The following FGD5 variants were observed in gnomAD, a reference collection of about 807,000 sequenced individuals.
The protein encoded by FGD5 is FYVE, RhoGEF and PH domain-containing protein 5.
Under a neutral mutation model 133.4 loss-of-function variants are expected in FGD5, and 28 were observed. The observed-to-expected ratio is 0.21, with a 90% CI of 0.16 to 0.29. The LOEUF (loss-of-function observed/expected upper bound fraction) is 0.29. FGD5 is among the 10% of genes least tolerant of loss of function. The pLI, the probability that FGD5 is intolerant of heterozygous loss-of-function variation, is 1.00. For missense variants in FGD5, 1,858 were observed against 1,895.2 expected (o/e 0.98, Z 0.36); for synonymous variants, 810 against 776.5 (o/e 1.04, Z -0.72).
chr3:14,908,009 T>C (rs2038372165), intron 10 of FGD5, among the ~76,000 whole-genome samples: 1 of 152,186 alleles, frequency 6.6e-6, no homozygotes. Context: ...CCAAATATTT[T>C]CAGTGCAGAG....
chr3:14,836,260 C>T (rs148488437), intron 1 of FGD5, among the ~76,000 whole-genome samples: 195 of 152,334 alleles, frequency 1.3e-3, no homozygotes, highest in Non-Finnish European at 1.5e-3. Flanking sequence ...CCACGCTCCC[C>T]GCCCGGGAAG....
chr3:14,918,629 T>C, intron 12 of FGD5, 125 bp from the exon 13 acceptor site: 1 of 892,480 alleles, frequency 1.1e-6, no homozygotes, highest in Admixed American at 2.1e-5. Flanking sequence ...CAGAAAGGTA[T>C]GCCCTGAGGC....
chr3:14,914,098 A>C (rs9860603), intron 11 of FGD5, among the ~76,000 whole-genome samples: 13,793 of 152,194 alleles, frequency 0.091, 2,063 homozygotes, highest in African/African-American at 0.31. Context: ...CCTTCCACTG[A>C]GCAGTGTTGA....
upstream of FGD5, among the ~76,000 whole-genome samples, chr3:14,815,105 T>C (rs1356943159): frequency 6.6e-6 from 1 of 152,172 alleles, no homozygotes; most frequent in African/African-American, 2.4e-5. Context: ...TGCATGTCCC[T>C]CTGCTCAAAA....
chr3:14,924,290 C>A (rs911185257), intron 17 of FGD5, among the ~76,000 whole-genome samples, 152 bp downstream of exon 17: 3 of 152,156 alleles, frequency 2.0e-5, no homozygotes, highest in African/African-American at 7.2e-5. Flanking sequence ...GCTACGAGGA[C>A]CGACTTGACA....
At chr3:14,841,906 CT>C (rs375544911) in intron 1 of FGD5, among the ~76,000 whole-genome samples, 55 of 152,314 alleles carry the variant, frequency 3.6e-4, no homozygotes, top group African/African-American at 1.2e-3. Flanking sequence ...GCAGTCCTTT[CT>C]TTCCAGCGAG....
intron 4 of FGD5, among the ~76,000 whole-genome samples, chr3:14,893,462 C>G (rs183304592): frequency 6.6e-6 from 1 of 152,144 alleles, no homozygotes; most frequent in Non-Finnish European, 1.5e-5. Context: ...AGCAATCTTC[C>G]TGCTTCAGCA....
intron 1 of FGD5, among the ~76,000 whole-genome samples, chr3:14,812,847 A>G (rs2036313609): frequency 6.6e-6 from 1 of 152,258 alleles, no homozygotes; most frequent in Non-Finnish European, 1.5e-5. Context: ...GTAGCAGAGC[A>G]ACCAGTAAAT....
chr3:14,864,071 C>T, intron 1 of FGD5, 57 bp from the exon 2 acceptor site: 3 of 1,579,246 alleles, frequency 1.9e-6, no homozygotes, highest in Non-Finnish European at 2.6e-6. Context: ...CTGGTAGGTT[C>T]ACTTTGCCTA....
At chr3:14,814,169 C>T (rs1442922807), upstream of FGD5, among the ~76,000 whole-genome samples, 2 of 152,108 alleles carry the variant, frequency 1.3e-5, no homozygotes. Flanking sequence ...TAGCCTTCTC[C>T]AGAGGAACTC....
Position 14,918,789 on chromosome 3 carries a change from T to C in FGD5, c.3525T>C (p.Ala1175=), listed in dbSNP as rs2038613624. 1 of 1,613,888 alleles carries C rather than the reference T, an allele frequency of 6.2e-7. No homozygotes were observed. The highest frequency in any genetic ancestry group is 8.5e-7 in the Non-Finnish European group (1 of 1,179,862). Residue 1175 remains alanine (A), a synonymous_variant, in exon 13 of 20, where the codon GCT becomes GCC. Coordinates refer to ENST00000285046, the MANE Select transcript of FGD5 (RefSeq NM_152536.4). ...CTGTGATGGAGAAAGTGCCCTACGC[T>C]CTAAAGATTGAGACTTCCGAGTCCT... ...SRPVMEKVPY[A]LKIETSESCL... is the part of the protein sequence containing the mutation.
rs555711966 is a variant in FGD5, at chr3:14,811,010, T to G, written c.13+145T>G. On this transcript the variant is annotated intron_variant, in intron 1 of 1. Coordinates refer to the FGD5 transcript ENST00000640506. Reference sequence around the variant, plus strand: ...GTGCCGCTCGGCCTCGGCCAAAGCATGCGCGGCTCCGGGGTCCTCTCGCCG... The same window carrying G: ...GTGCCGCTCGGCCTCGGCCAAAGCAGGCGCGGCTCCGGGGTCCTCTCGCCG... The G allele has an allele frequency of 2.5e-4, 175 of 692,606 alleles. No individual in the cohort carries two copies. In the African/African-American group the frequency reaches 3.3e-3, roughly 13 times the overall value. The allele number at this position is 692,606 out of a possible 1,614,324, so 42.9% of individuals were successfully genotyped here.
chr3:14,821,713 G>A (rs1184681548), intron 1 of FGD5, 117 bp downstream of exon 1: 4 of 1,387,250 alleles, frequency 2.9e-6, no homozygotes, highest in East Asian at 5.1e-5. Context: ...CTTACTAGCT[G>A]TGTTGACTTG....
chr3:14,850,670 TTAATA>T (rs1385181838), intron 1 of FGD5, among the ~76,000 whole-genome samples: 2 of 152,140 alleles, frequency 1.3e-5, no homozygotes, highest in Non-Finnish European at 2.9e-5. Flanking sequence ...TCAAGGAACT[TTAATA>T]TAGGAACGTA....
intron 4 of FGD5, among the ~76,000 whole-genome samples, chr3:14,892,880 GC>G (rs2125128426): frequency 6.6e-6 from 1 of 152,136 alleles, no homozygotes; most frequent in South Asian, 2.1e-4. Context: ...GAAATGTCTT[GC>G]CCCATAGTCC....
chr3:14,839,445 C>A (rs1187211502), intron 1 of FGD5, among the ~76,000 whole-genome samples: 2 of 152,152 alleles, frequency 1.3e-5, no homozygotes, highest in Non-Finnish European at 2.9e-5. Context: ...TCCCCTCCCC[C>A]TTTGGAATGA....
At position 14,910,890 on chromosome 3, in the gene FGD5, A is replaced by G. The variant is rs751038900; in HGVS notation, c.3366A>G (p.Lys1122=). The part of the protein sequence containing the change: ...REFLKEGTLM[K]VTGKNRRPRH... ...TTCTGAAGGAAGGGACGCTGATGAA[A>G]GTAACAGGGAAAAACAGACGGCCCC... The change falls in exon 11 of 20, where the codon AAA becomes AAG. Residue 1122 remains lysine, a synonymous_variant. Coordinates refer to ENST00000285046, the MANE Select transcript of FGD5 (RefSeq NM_152536.4). 6.2e-7 allele frequency: 1 copy of G among 1,613,554 alleles called. No homozygotes were observed. Among genetic ancestry groups the G allele is most frequent in the Admixed American group, 1.7e-5 (1 of 59,968 alleles).
chr3:14,912,137 A>T (rs1480041847), intron 11 of FGD5, among the ~76,000 whole-genome samples: 1 of 152,096 alleles, frequency 6.6e-6, no homozygotes, highest in Non-Finnish European at 1.5e-5. Flanking sequence ...AATAGGCCCT[A>T]CCCGTAGAGG....
rs577811317 is a variant in FGD5 at position 14,836,080 on chromosome 3, G to C, written c.2525+14484G>C. 5.3e-5 allele frequency among the ~76,000 whole-genome samples: 8 copies of C among 152,294 alleles called. No homozygotes were observed. The South Asian group carries it at 1.5e-3, about 28-fold the overall frequency. The stretch of plus-strand genomic sequence containing the variant: ...TGGCAGAGTCAGACGTAGAACCCAG[G>C]GGCATCTGCTGTGAAGCCTCCATGC... On this transcript the variant is annotated intron_variant, in intron 1 of 19. Coordinates refer to ENST00000285046, the MANE Select transcript of FGD5 (RefSeq NM_152536.4).
Sources: allele counts gnomAD v4.1 joint callset (sites outside exome capture counted in the v4.1 genomes callset), GRCh38; gene constraint gnomAD v4.1.1; transcripts MANE v1.5; gene names NCBI Gene and HGNC (gene_info 2026-07-23, HGNC 2026-07-21).